LPAR1: variants seen among roughly 807,000 people sequenced by gnomAD.
The protein encoded by LPAR1 is LPA receptor 1.
A neutral mutation model predicts 23.8 loss-of-function variants in LPAR1; 5 were observed. That is an observed-to-expected ratio of 0.21 (90% CI 0.11 to 0.44). The LOEUF (loss-of-function observed/expected upper bound fraction) is 0.44, where lower values mean the gene tolerates loss of function less well. Ranked by LOEUF, LPAR1 falls within the 20% of genes least tolerant of loss-of-function variation. The pLI, the probability that LPAR1 is intolerant of heterozygous loss-of-function variation, is 0.99. For missense variants in LPAR1, 311 were observed against 482.8 expected (o/e 0.64, Z 3.33); for synonymous variants, 160 against 164.7 (o/e 0.97, Z 0.22).
intron 5 of LPAR1, among the ~76,000 whole-genome samples, chr9:110,882,737 G>C (rs2081227276): frequency 6.6e-6 from 1 of 151,724 alleles, no homozygotes; most frequent in African/African-American, 2.4e-5. Flanking sequence ...GAAGGAGTAG[G>C]GGACGGTGCT....
chr9:110,901,213 G>A (rs1049297014), intron 5 of LPAR1, among the ~76,000 whole-genome samples: 7 of 152,166 alleles, frequency 4.6e-5, no homozygotes, highest in Non-Finnish European at 8.8e-5. Context: ...GACAAGAGGC[G>A]ATTAGGAAGA....
In LPAR1 at chr9:110,941,028, T is replaced by C. The variant is rs2095064913; in HGVS notation, c.793+393A>G. On this transcript the variant is annotated intron_variant, in intron 5 of 5. Transcript: ENST00000683809. The surrounding 1 kb of genome is among the most constrained non-coding windows in gnomAD (Gnocchi z 6.1). ...AAAAATAACTATATATGGAAGCATA[T>C]TCATATTCTACAAAAGCACTTTCTG... Among the ~76,000 whole-genome samples the C allele has an allele frequency of 6.6e-6, 1 of 152,208 alleles. No individual in the cohort carries two copies. Among genetic ancestry groups the C allele is most frequent in the Non-Finnish European group, 1.5e-5 (1 of 68,038 alleles).
intron 4 of LPAR1, among the ~76,000 whole-genome samples, chr9:110,950,024 T>C (rs1028372208): frequency 1.3e-5 from 2 of 152,172 alleles, no homozygotes; most frequent in Non-Finnish European, 1.5e-5. Context: ...CAATCTATAA[T>C]TAGAAGATAA....
intron 5 of LPAR1, among the ~76,000 whole-genome samples, chr9:110,894,095 A>C (rs997242898): frequency 1.3e-5 from 2 of 152,244 alleles, no homozygotes; most frequent in African/African-American, 4.8e-5. Flanking sequence ...GTTTAAAACA[A>C]AACATGTTTA....
At chr9:111,000,738 T>C (rs542981212) in intron 2 of LPAR1, among the ~76,000 whole-genome samples, 1 of 152,292 alleles carries the variant, frequency 6.6e-6, no homozygotes, top group Admixed American at 6.5e-5. Context: ...AGTGCAGAAA[T>C]ACATTTTCCA....
In LPAR1 at chr9:110,875,202, GA is replaced by G; in HGVS notation, c.*218del. The G allele has an allele frequency of 2.2e-5, 10 of 446,520 alleles. No individual in the cohort carries two copies. Among genetic ancestry groups the G allele is most frequent in the Non-Finnish European group, 7.9e-6 (2 of 252,726 alleles). The allele number at this position is 446,520 out of a possible 1,614,324, so 27.7% of individuals were successfully genotyped here. On this transcript the variant is annotated 3_prime_UTR_variant, in exon 6 of 6. Transcript: ENST00000683809. ...CAAGAGCTCCAACTTCCTACTTTCA[GA>G]AGGGATGGGGATCAAGATGAGGGTT...
chr9:110,902,315 C>T (rs1374145066), intron 5 of LPAR1, among the ~76,000 whole-genome samples: 1 of 152,084 alleles, frequency 6.6e-6, no homozygotes, highest in Admixed American at 6.5e-5. Context: ...ATTGTAGTTC[C>T]CATAATCCCG....
At chr9:111,027,048 G>T (rs781210749) in intron 2 of LPAR1, among the ~76,000 whole-genome samples, 2 of 152,120 alleles carry the variant, frequency 1.3e-5, no homozygotes, top group African/African-American at 2.4e-5. Context: ...TCATAAAATG[G>T]ACTAGGGAGG....
intron 4 of LPAR1, among the ~76,000 whole-genome samples, chr9:110,964,344 C>T (rs1444431465): frequency 6.6e-6 from 1 of 152,032 alleles, no homozygotes. Context: ...AGAAAAGCAA[C>T]TGAAGAAACC....
intron 2 of LPAR1, among the ~76,000 whole-genome samples, chr9:111,017,996 C>T (rs910024881): frequency 2.0e-5 from 3 of 151,758 alleles, no homozygotes; most frequent in African/African-American, 4.8e-5. Context: ...TCCAACCTGG[C>T]GACAGAGCAA....
In LPAR1 at chr9:110,966,173, T is replaced by C. The variant is rs757288054; in HGVS notation, c.45+5900A>G. On this transcript the variant is annotated intron_variant, in intron 4 of 5. Transcript: ENST00000683809. ...AGAGCATTAGAACAAATACCTATTG[T>C]ATGCGGGCTTAAAACCTAGATGATG... is the stretch of plus-strand genomic sequence containing the variant. Among the ~76,000 whole-genome samples, 131 of 152,012 alleles carry C rather than the reference T, an allele frequency of 8.6e-4. 3 individuals are homozygous for C. The highest frequency in any genetic ancestry group is 2.6e-4 in the Non-Finnish European group (18 of 67,998).
intron 2 of LPAR1, among the ~76,000 whole-genome samples, chr9:111,031,536 A>G (rs2097795630): frequency 6.6e-6 from 1 of 152,162 alleles, no homozygotes; most frequent in African/African-American, 2.4e-5. Flanking sequence ...GCTTGAGCCC[A>G]GGAGGTCAAA....
At chr9:110,885,209 A>G (rs948789013) in intron 5 of LPAR1, among the ~76,000 whole-genome samples, 11 of 152,206 alleles carry the variant, frequency 7.2e-5, no homozygotes, top group African/African-American at 2.4e-4. Context: ...TTCCTATACT[A>G]TCACTGTTTC....
intron 2 of LPAR1, among the ~76,000 whole-genome samples, chr9:111,024,097 T>A (rs1395505771): frequency 6.6e-6 from 1 of 152,176 alleles, no homozygotes; most frequent in Non-Finnish European, 1.5e-5. Flanking sequence ...AAGAAGCATG[T>A]TCTTGGACCA....
intron 5 of LPAR1, among the ~76,000 whole-genome samples, chr9:110,905,346 A>ATTTT (rs1359000599): frequency 7.9e-6 from 1 of 126,562 alleles, no homozygotes; most frequent in African/African-American, 4.1e-5. Flanking sequence ...GCTTTTTTTT[A>ATTTT]TTATTTTTTT....
chr9:110,954,324 A>T (rs2095665053), intron 4 of LPAR1, among the ~76,000 whole-genome samples: 1 of 152,242 alleles, frequency 6.6e-6, no homozygotes, highest in African/African-American at 2.4e-5. Context: ...CATATTGGAC[A>T]CAATATACTG....
At chr9:110,967,962 T>C (rs2096276949) in intron 4 of LPAR1, among the ~76,000 whole-genome samples, 1 of 152,162 alleles carries the variant, frequency 6.6e-6, no homozygotes. Flanking sequence ...CCCGTGGGCT[T>C]AGTTCCCCAA....
chr9:111,031,377 TG>T (rs1371435820), intron 2 of LPAR1, among the ~76,000 whole-genome samples: 1 of 120,758 alleles, frequency 8.3e-6, no homozygotes, highest in Non-Finnish European at 1.6e-5. Flanking sequence ...GGTAATGTAG[TG>T]AGAGCCCATT....
intron 4 of LPAR1, among the ~76,000 whole-genome samples, chr9:110,959,953 G>T (rs2095899356): frequency 6.6e-6 from 1 of 152,072 alleles, no homozygotes; most frequent in Non-Finnish European, 1.5e-5. Flanking sequence ...AAAAAAAATT[G>T]ATCTCATGTA....
Sources: gnomAD v4.1 joint callset for allele counts (sites outside exome capture counted in the v4.1 genomes callset) on GRCh38, gnomAD v4.1.1 for gene constraint, Gnocchi (gnomAD v3.1) non-coding constraint, MANE v1.5 for transcripts, NCBI Gene and HGNC (gene_info 2026-07-23, HGNC 2026-07-21) for gene names.